Variants in ALDH18A1 observed in about 807,000 individuals in gnomAD.
ALDH18A1 encodes delta-1-pyrroline-5-carboxylate synthase.
In ALDH18A1, 44 loss-of-function variants were observed where a neutral mutation model predicts 88.8. The ratio of observed to expected loss-of-function variants is 0.50; its 90% CI spans 0.39 to 0.64. The LOEUF (loss-of-function observed/expected upper bound fraction) is 0.64, where lower values mean the gene tolerates loss of function less well. ALDH18A1 is among the 30% of genes least tolerant of loss of function. The pLI is 0.00. For synonymous variants in ALDH18A1, 331 were observed against 372.1 expected, an observed-to-expected ratio of 0.89 and a Z score of 1.27; for missense variants, 782 against 1,009.5, an observed-to-expected ratio of 0.77 and a Z score of 3.05.
intron 12 of ALDH18A1, among the ~76,000 whole-genome samples, chr10:95,617,611 G>A (rs1242638219): frequency 6.6e-6 from 1 of 152,222 alleles, no homozygotes; most frequent in Non-Finnish European, 1.5e-5. Context: ...ACACTGACCT[G>A]ATCATCCTAC....
intron 5 of ALDH18A1, among the ~76,000 whole-genome samples, chr10:95,635,608 A>G (rs932142431): frequency 2.6e-5 from 4 of 152,228 alleles, no homozygotes; most frequent in Non-Finnish European, 4.4e-5. Flanking sequence ...AGGAAAAGGT[A>G]CAAAGGGCAA....
At chr10:95,607,417 C>T (rs2097824832) in intron 17 of ALDH18A1, among the ~76,000 whole-genome samples, 1 of 152,174 alleles carries the variant, frequency 6.6e-6, no homozygotes, top group South Asian at 2.1e-4. Context: ...CTGAATACAT[C>T]AAAGGGTTAC....
chr10:95,610,237 A>G lies in ALDH18A1; in HGVS notation c.2166T>C (p.Asn722=). ...QHVDSACVFW[N]ASTRFSDGYR... is the part of the protein sequence containing the mutation. ...AACCATCAGAAAAGCGAGTGCTGGC[A>G]TTCCAGAACACACAGGCACTGTCTA... The change falls in exon 17 of 18, where the codon AAT becomes AAC. Residue 722 remains asparagine (N), a synonymous_variant. Coordinates refer to ENST00000371224, the MANE Select transcript of ALDH18A1 (RefSeq NM_002860.4). 1.2e-6 allele frequency: 2 copies of G among 1,614,108 alleles called. No homozygotes were observed. Among genetic ancestry groups the G allele is most frequent in the Non-Finnish European group, 1.7e-6 (2 of 1,179,984 alleles).
intron 16 of ALDH18A1, 28 bp downstream of exon 16, chr10:95,611,228 T>G (rs2097833673): frequency 1.2e-6 from 2 of 1,613,092 alleles, no homozygotes; most frequent in Non-Finnish European, 1.7e-6. Context: ...AGGCAGACAC[T>G]GTATGCGGGA....
At chr10:95,607,032 C>G in intron 17 of ALDH18A1, 89 bp from the exon 18 acceptor site, 2 of 1,324,750 alleles carry the variant, frequency 1.5e-6, no homozygotes, top group Non-Finnish European at 2.2e-6. Context: ...TTTCCCCTCA[C>G]TTGGTACCCT....
At position 95,622,322 on chromosome 10, in the gene ALDH18A1, A is replaced by G. The variant is rs568934622; in HGVS notation, c.1247-1071T>C. Among the ~76,000 whole-genome samples, 11 of 152,120 alleles carry G rather than the reference A, an allele frequency of 7.2e-5. No individual in the cohort carries two copies. The South Asian group carries it at 1.9e-3, about 26-fold the overall frequency. ...AAGTGATCCTCCTGCTTCAGTCTCC[A>G]GAGTAGCTAGGACTACAGGCACGTA... On this transcript the variant is annotated intron_variant, in intron 11 of 17. Coordinates refer to ENST00000371224, the MANE Select transcript of ALDH18A1 (RefSeq NM_002860.4).
chr10:95,614,833 C>T (rs954968590), intron 13 of ALDH18A1, among the ~76,000 whole-genome samples: 1 of 152,056 alleles, frequency 6.6e-6, no homozygotes, highest in Admixed American at 6.6e-5. Flanking sequence ...TTCCACATAG[C>T]CCAAAACTGG....
At chr10:95,656,291 G>T (rs965113489) in intron 1 of ALDH18A1, among the ~76,000 whole-genome samples, 1 of 152,154 alleles carries the variant, frequency 6.6e-6, no homozygotes, top group Non-Finnish European at 1.5e-5. Flanking sequence ...TTCCTTACAT[G>T]GTGTACCCAG....
intron 14 of ALDH18A1, 32 bp from the exon 15 acceptor site, chr10:95,613,895 T>C (rs1210272227): frequency 4.3e-6 from 7 of 1,614,044 alleles, no homozygotes; most frequent in South Asian, 1.1e-5. Context: ...ATTGTTTCCA[T>C]TGACATGATC....
intron 3 of ALDH18A1, among the ~76,000 whole-genome samples, chr10:95,641,524 T>TG (rs746755235): frequency 0.017 from 240 of 14,230 alleles, 4 homozygotes; most frequent in Non-Finnish European, 0.027. Context: ...CAGGGGCGGG[T>TG]GGGGGGGTGG....
At chr10:95,635,953 AAAG>A (rs140621048) in intron 5 of ALDH18A1, among the ~76,000 whole-genome samples, 9,016 of 152,264 alleles carry the variant, frequency 0.059, 292 homozygotes, top group South Asian at 0.088. Flanking sequence ...ACCAAATAAT[AAAG>A]AAGAGTGATA....
At position 95,627,327 on chromosome 10, in the gene ALDH18A1, G is replaced by A. The variant is rs560708692; in HGVS notation, c.1078+115C>T. 904 of 1,431,660 alleles carry A rather than the reference G, an allele frequency of 6.3e-4. 1 individual carries two copies. Among genetic ancestry groups the A allele is most frequent in the Non-Finnish European group, 7.6e-4 (778 of 1,025,080 alleles). 88.7% of individuals were successfully genotyped at this position (1,431,660 alleles called of 1,614,324 possible). On this transcript the variant is annotated intron_variant, in intron 9 of 17. Transcript: ENST00000371224. ...AGCAAAATCCGATTTTGCAAATAGC[G>A]TTCAAAACAATGCCATATTTCATAA... is the stretch of plus-strand genomic sequence containing the variant.
At position 95,642,889 on chromosome 10, in the gene ALDH18A1, A is replaced by G. The variant is rs1383158924; in HGVS notation, c.303+103T>C. On this transcript the variant is annotated intron_variant, in intron 3 of 17. Transcript: ENST00000371224. The stretch of plus-strand genomic sequence containing the variant: ...ATTGGGTTAAATCTACTGCACTGAA[A>G]TCACAATTATTTTTTTAAGTTGATG... 7 of 1,231,722 alleles carry G rather than the reference A, an allele frequency of 5.7e-6. No homozygotes were observed. In the African/African-American group the frequency reaches 1.0e-4, roughly 18 times the overall value. The allele number at this position is 1,231,722 out of a possible 1,614,324, so 76.3% of individuals were successfully genotyped here. A position where few individuals can be genotyped will look rare whatever the true frequency, so the allele number is the denominator to read the frequency against.
At chr10:95,640,804 G>A (rs2097889961) in intron 3 of ALDH18A1, among the ~76,000 whole-genome samples, 1 of 152,180 alleles carries the variant, frequency 6.6e-6, no homozygotes, top group African/African-American at 2.4e-5. Context: ...AAGAAAGCTG[G>A]TAACCTACGC....
intron 5 of ALDH18A1, among the ~76,000 whole-genome samples, chr10:95,634,571 G>A (rs75689329): frequency 0.029 from 4,370 of 152,338 alleles, 75 homozygotes; most frequent in African/African-American, 0.04. Flanking sequence ...CTAAGATTGT[G>A]TGTGAGCATG....
chr10:95,612,336 A>C (rs1411354962), intron 15 of ALDH18A1, among the ~76,000 whole-genome samples: 1 of 152,156 alleles, frequency 6.6e-6, no homozygotes, highest in Non-Finnish European at 1.5e-5. Flanking sequence ...GAATTTAAGG[A>C]TTCTGAGGCT....
rs1170801884 is a variant in ALDH18A1 at position 95,638,913 on chromosome 10, C to T, written c.304-1477G>A. 4.0e-5 allele frequency among the ~76,000 whole-genome samples: 6 copies of T among 151,650 alleles called. No individual in the cohort carries two copies. In the South Asian group the frequency reaches 1.2e-3, roughly 32 times the overall value. ...TTTGAAACACAGTCTTGCTTTGTCA[C>T]CCATGCTGGAGGACAGTGGCACAAT... is the stretch of plus-strand genomic sequence containing the variant. On this transcript the variant is annotated intron_variant, in intron 3 of 17. Coordinates refer to ENST00000371224, the MANE Select transcript of ALDH18A1 (RefSeq NM_002860.4).
chr10:95,652,010 G>A (rs1236202491), intron 2 of ALDH18A1, among the ~76,000 whole-genome samples: 1 of 152,168 alleles, frequency 6.6e-6, no homozygotes, highest in Non-Finnish European at 1.5e-5. Context: ...TACACTAACT[G>A]TGATACACTC....
At chr10:95,615,405 G>T (rs1006642603) in intron 13 of ALDH18A1, among the ~76,000 whole-genome samples, 2 of 152,154 alleles carry the variant, frequency 1.3e-5, no homozygotes, top group South Asian at 2.1e-4. Context: ...TGTGGGGAAG[G>T]GGGCTACATA....
Sources: gnomAD v4.1 joint callset for allele counts (sites outside exome capture counted in the v4.1 genomes callset) on GRCh38, gnomAD v4.1.1 for gene constraint, MANE v1.5 for transcripts, NCBI Gene and HGNC (gene_info 2026-07-23, HGNC 2026-07-21) for gene names.